The following TNR variants were observed in gnomAD, a reference collection of about 807,000 sequenced individuals.
TNR encodes the protein tenascin R, also known as tenascin-R.
Under a neutral mutation model 150.4 loss-of-function variants are expected in TNR, and 45 were observed. That is an observed-to-expected ratio of 0.30 (90% confidence interval 0.24 to 0.38). The LOEUF (loss-of-function observed/expected upper bound fraction) is 0.38, where lower values mean the gene tolerates loss of function less well. Ranked by LOEUF, TNR falls within the 10% of genes least tolerant of loss-of-function variation. TNR has a pLI of 1.00. For missense variants in TNR, 1,544 were observed against 1,759.1 expected (o/e 0.88, Z 2.19); for synonymous variants, 687 against 678.4 (o/e 1.01, Z -0.20).
intron 1 of TNR, among the ~76,000 whole-genome samples, chr1:175,671,911 C>CTGTGTGTGTG (rs35804880): frequency 0.01 from 1,430 of 142,100 alleles, 29 homozygotes; most frequent in African/African-American, 0.034. Context: ...TGAGCTGTAC[C>CTGTGTGTGTG]TGTGTGTGTG....
At chr1:175,685,556 A>T (rs575755260) in intron 1 of TNR, among the ~76,000 whole-genome samples, 1 of 152,272 alleles carries the variant, frequency 6.6e-6, no homozygotes, top group East Asian at 1.9e-4. Context: ...ATATTCTCTC[A>T]AATGGGTGTC....
intron 20 of TNR, among the ~76,000 whole-genome samples, chr1:175,330,998 ATTCTTTCT>A (rs764826338): frequency 0.039 from 2,866 of 72,812 alleles, 112 homozygotes; most frequent in Middle Eastern, 0.054. Context: ...CCTCTTGGTG[ATTCTTTCT>A]TTCTTTCTTT....
intron 8 of TNR, among the ~76,000 whole-genome samples, chr1:175,380,094 G>A (rs113895074): frequency 3.3e-5 from 5 of 152,322 alleles, no homozygotes; most frequent in African/African-American, 9.6e-5. Flanking sequence ...CCCGAGTGAT[G>A]GAGATGGAAT....
intron 1 of TNR, among the ~76,000 whole-genome samples, chr1:175,683,638 T>C (rs1666105331): frequency 6.6e-6 from 1 of 152,068 alleles, no homozygotes; most frequent in Non-Finnish European, 1.5e-5. Flanking sequence ...TGCATACCAG[T>C]ACCTGTCAGG....
At chr1:175,482,854 G>A (rs1000630428) in intron 2 of TNR, among the ~76,000 whole-genome samples, 16 of 152,210 alleles carry the variant, frequency 1.1e-4, no homozygotes, top group Non-Finnish European at 1.3e-4. Context: ...ACCCTCCCTG[G>A]GCTTTGTCTG....
chr1:175,696,226 T>G (rs868192584), intron 1 of TNR, among the ~76,000 whole-genome samples: 54 of 136,402 alleles, frequency 4.0e-4, no homozygotes, highest in South Asian at 1.1e-3. Context: ...AGTTTTTTTT[T>G]TTTTTTTTTT....
intron 9 of TNR, among the ~76,000 whole-genome samples, chr1:175,377,672 G>A (rs537148302): frequency 6.6e-6 from 1 of 152,132 alleles, no homozygotes; most frequent in Non-Finnish European, 1.5e-5. Flanking sequence ...GGCTGTGTTT[G>A]GCAAGGTGGT....
chr1:175,605,647 T>C (rs1038481406), intron 1 of TNR, among the ~76,000 whole-genome samples: 1 of 152,238 alleles, frequency 6.6e-6, no homozygotes, highest in Non-Finnish European at 1.5e-5. Flanking sequence ...GTTTCATTCT[T>C]AAAATTTCTT....
At chr1:175,434,761 G>A (rs1655422438) in intron 2 of TNR, among the ~76,000 whole-genome samples, 1 of 152,084 alleles carries the variant, frequency 6.6e-6, no homozygotes, top group Non-Finnish European at 1.5e-5. Context: ...ACACAGCATG[G>A]AGTTTCTGAA....
intron 1 of TNR, among the ~76,000 whole-genome samples, chr1:175,574,916 G>A (rs1487789773): frequency 2.6e-5 from 4 of 152,224 alleles, no homozygotes; most frequent in African/African-American, 9.6e-5. Flanking sequence ...TACCTATTAT[G>A]TACTGTGTCA....
intron 1 of TNR, among the ~76,000 whole-genome samples, chr1:175,741,327 C>T (rs12076684): frequency 0.017 from 2,649 of 152,148 alleles, 74 homozygotes; most frequent in African/African-American, 0.06. Context: ...TCACTGAGCA[C>T]TTTTTTTTCA....
rs115252765 is a variant in TNR at position 175,540,316 on chromosome 1, A to G, written c.-164-11947T>C. 2.9e-3 allele frequency among the ~76,000 whole-genome samples: 443 copies of G among 152,306 alleles called. 2 individuals are homozygous for G. Among genetic ancestry groups the G allele is most frequent in the African/African-American group, 0.01 (426 of 41,562 alleles). On this transcript the variant is annotated intron_variant, in intron 1 of 22. Coordinates refer to ENST00000367674, the MANE Select transcript of TNR (RefSeq NM_003285.3). The stretch of plus-strand genomic sequence containing the variant: ...GCACCACTGATCACACTCCCAGAGA[A>G]TCCTTCAGCTCCAGGGTTTGACTCA...
At chr1:175,541,175 C>T (rs145876544) in intron 1 of TNR, among the ~76,000 whole-genome samples, 1 of 152,256 alleles carries the variant, frequency 6.6e-6, no homozygotes, top group East Asian at 1.9e-4. Flanking sequence ...CTCCACCTCC[C>T]CTCCTTGTAC....
chr1:175,470,660 A>T (rs565560072), intron 2 of TNR, among the ~76,000 whole-genome samples: 1 of 152,304 alleles, frequency 6.6e-6, no homozygotes, highest in African/African-American at 2.4e-5. Context: ...AAACCCAAGT[A>T]CATTCTTTAA....
intron 1 of TNR, among the ~76,000 whole-genome samples, chr1:175,704,443 G>A (rs770126761): frequency 6.6e-6 from 1 of 152,182 alleles, no homozygotes; most frequent in Non-Finnish European, 1.5e-5. Context: ...TCTGCCTAGA[G>A]AAGGATAGTC....
intron 18 of TNR, among the ~76,000 whole-genome samples, chr1:175,353,006 C>A (rs1354799811): frequency 6.6e-6 from 1 of 151,752 alleles, no homozygotes; most frequent in Non-Finnish European, 1.5e-5. Flanking sequence ...TCTGACATGG[C>A]AGGCAGGATG....
intron 1 of TNR, among the ~76,000 whole-genome samples, chr1:175,642,880 A>G (rs749732254): frequency 3.9e-5 from 6 of 152,206 alleles, no homozygotes; most frequent in Non-Finnish European, 8.8e-5. Flanking sequence ...GCAGTGAGCT[A>G]TGATTGCACT....
chr1:175,362,503 T>C (rs1419365303), intron 14 of TNR, among the ~76,000 whole-genome samples, 160 bp downstream of exon 14: 3 of 152,116 alleles, frequency 2.0e-5, no homozygotes, highest in Admixed American at 6.5e-5. Flanking sequence ...GGGAGGAATA[T>C]TGGGGGAGAG....
At chr1:175,381,369 T>C (rs920463081) in intron 8 of TNR, among the ~76,000 whole-genome samples, 1 of 152,218 alleles carries the variant, frequency 6.6e-6, no homozygotes, top group African/African-American at 2.4e-5. Flanking sequence ...GCCTTGGAAA[T>C]GTTAAACTAT....
Sources: gnomAD v4.1 joint callset for allele counts (sites outside exome capture counted in the v4.1 genomes callset) on GRCh38, gnomAD v4.1.1 for gene constraint, MANE v1.5 for transcripts, NCBI Gene and HGNC (gene_info 2026-07-23, HGNC 2026-07-21) for gene names.